The following ESR1 variants were observed in gnomAD, a reference collection of about 807,000 sequenced individuals.
ESR1 encodes estrogen receptor 1.
In ESR1, 12 loss-of-function variants were observed where a neutral mutation model predicts 52.7. The ratio of observed to expected loss-of-function variants is 0.23; its 90% CI spans 0.15 to 0.37. The LOEUF is 0.37. Ranked by LOEUF, ESR1 falls within the 10% of genes least tolerant of loss-of-function variation. The pLI is 1.00. For missense variants in ESR1, 584 were observed against 779.7 expected (o/e 0.75, Z 2.99); for synonymous variants, 305 against 316.8 (o/e 0.96, Z 0.39).
At position 151,723,549 on chromosome 6, in the gene ESR1, C is replaced by T. The variant is rs183605524; in HGVS notation, c.-71+21544C>T. 5.3e-4 allele frequency among the ~76,000 whole-genome samples: 80 copies of T among 152,220 alleles called. 1 individual carries two copies. Among genetic ancestry groups the T allele is most frequent in the Non-Finnish European group, 4.9e-4 (33 of 67,998 alleles). ...TCTATGGATCTGATTGCTCCTTCAC[C>T]ACTCTGCTATATATCCATGTAACAA... is the stretch of plus-strand genomic sequence containing the variant. On this transcript the variant is annotated intron_variant, in intron 2 of 2. Transcript: ENST00000404742.
At chr6:151,662,543 G>A (rs1170898550) in intron 1 of ESR1, among the ~76,000 whole-genome samples, 5 of 152,130 alleles carry the variant, frequency 3.3e-5, no homozygotes, top group East Asian at 1.9e-4. Context: ...TGTACTGCCC[G>A]GGACTCCTGC....
At chr6:152,083,726 T>G (rs1434240705) in intron 6 of ESR1, among the ~76,000 whole-genome samples, 1 of 152,092 alleles carries the variant, frequency 6.6e-6, no homozygotes, top group African/African-American at 2.4e-5. Flanking sequence ...GGCTAATATC[T>G]TTGTAGAATC....
intron 1 of ESR1, among the ~76,000 whole-genome samples, chr6:151,813,750 CTTCTT>C (rs1779194021): frequency 6.6e-6 from 1 of 152,044 alleles, no homozygotes; most frequent in African/African-American, 2.4e-5. Flanking sequence ...AGATAGTAGA[CTTCTT>C]TGTTTGGTAA....
intron 3 of ESR1, among the ~76,000 whole-genome samples, chr6:151,924,796 A>C (rs1287721222): frequency 6.6e-6 from 1 of 151,850 alleles, no homozygotes; most frequent in Non-Finnish European, 1.5e-5. Flanking sequence ...TTTTATTTTA[A>C]TGGCTGAATA....
At chr6:151,808,805 T>C (rs1343062239) in intron 1 of ESR1, among the ~76,000 whole-genome samples, 1 of 152,162 alleles carries the variant, frequency 6.6e-6, no homozygotes, top group African/African-American at 2.4e-5. Flanking sequence ...AGCAGAGTTT[T>C]ATTTATCCTT....
chr6:151,917,566 G>A (rs1302699168), intron 3 of ESR1, among the ~76,000 whole-genome samples: 2 of 152,190 alleles, frequency 1.3e-5, no homozygotes, highest in African/African-American at 4.8e-5. Context: ...GAGAACACAT[G>A]TGGATGCTAC....
intron 5 of ESR1, among the ~76,000 whole-genome samples, chr6:152,035,049 T>G (rs943269603): frequency 4.6e-5 from 7 of 152,218 alleles, no homozygotes; most frequent in Admixed American, 3.9e-4. Context: ...CCTGTGAGAT[T>G]ACATGCCCTT....
At chr6:151,737,730 G>A (rs1260075488) in intron 2 of ESR1, among the ~76,000 whole-genome samples, 1 of 152,040 alleles carries the variant, frequency 6.6e-6, no homozygotes. Context: ...GCAAAGAAGG[G>A]TATAAGGGTA....
intron 3 of ESR1, among the ~76,000 whole-genome samples, chr6:151,939,437 T>C (rs2034778002): frequency 1.3e-5 from 2 of 152,166 alleles, no homozygotes; most frequent in Non-Finnish European, 2.9e-5. Context: ...AGTTTTAAAT[T>C]TTCTCTTTGA....
In ESR1 at chr6:152,061,379, C is replaced by A. The variant is rs9341018; in HGVS notation, c.1369+255C>A. Among the ~76,000 whole-genome samples, 31 of 152,240 alleles carry A rather than the reference C, an allele frequency of 2.0e-4. No individual in the cohort carries two copies. The East Asian group carries it at 5.2e-3, about 26-fold the overall frequency. On this transcript the variant is annotated intron_variant, in intron 6 of 7. Transcript: ENST00000206249. The surrounding 1 kb of genome is among the most constrained non-coding windows in gnomAD (Gnocchi z 4.3). ...GAGCTAAAATTTTTGTATGCTTTCA[C>A]AGATAGGATGTTTTTATTCAAATGG... is the stretch of plus-strand genomic sequence containing the variant.
At chr6:151,868,076 C>T (rs1367393293) in intron 2 of ESR1, among the ~76,000 whole-genome samples, 3 of 45,772 alleles carry the variant, frequency 6.6e-5, no homozygotes, top group East Asian at 6.2e-4. Context: ...AGCATAGTAC[C>T]CAATGATAGT....
At chr6:151,945,187 T>C (rs2035559959) in intron 4 of ESR1, among the ~76,000 whole-genome samples, 2 of 152,102 alleles carry the variant, frequency 1.3e-5, no homozygotes, top group African/African-American at 2.4e-5. Context: ...GGAGTGCCAC[T>C]GCACTCCAGC....
At chr6:152,089,389 A>G (rs1409466146) in intron 6 of ESR1, among the ~76,000 whole-genome samples, 2 of 152,352 alleles carry the variant, frequency 1.3e-5, no homozygotes, top group East Asian at 3.9e-4. Context: ...TACCTGTTCA[A>G]CTGCACTGAA....
intron 3 of ESR1, 72 bp from the exon 4 acceptor site, chr6:151,944,101 T>C: frequency 1.5e-6 from 2 of 1,367,418 alleles, no homozygotes; most frequent in Non-Finnish European, 2.1e-6. Flanking sequence ...CTGGTTAGCT[T>C]TGAAAATTTT....
At chr6:151,783,513 T>G (rs534730797) in intron 2 of ESR1, among the ~76,000 whole-genome samples, 1 of 152,348 alleles carries the variant, frequency 6.6e-6, no homozygotes, top group African/African-American at 2.4e-5. Context: ...TCTCTGTATG[T>G]GCCTATTTAG....
intron 2 of ESR1, among the ~76,000 whole-genome samples, chr6:151,868,987 C>A (rs1230999050): frequency 6.6e-6 from 1 of 152,208 alleles, no homozygotes; most frequent in Middle Eastern, 3.4e-3. Context: ...CTTAGTGAAC[C>A]GTCTTTTCTA....
At chr6:151,661,173 T>C (rs1562315381) in intron 1 of ESR1, among the ~76,000 whole-genome samples, 8 of 152,264 alleles carry the variant, frequency 5.3e-5, no homozygotes. Context: ...TTTTGTATTT[T>C]GAAAGCACCA....
chr6:151,976,115 A>G (rs2039411372), intron 4 of ESR1, among the ~76,000 whole-genome samples: 1 of 152,140 alleles, frequency 6.6e-6, no homozygotes. Flanking sequence ...GACCTGTAAG[A>G]GGTTCTCATC....
intron 1 of ESR1, among the ~76,000 whole-genome samples, chr6:151,692,913 A>T (rs1779056658): frequency 6.6e-6 from 1 of 152,216 alleles, no homozygotes; most frequent in South Asian, 2.1e-4. Flanking sequence ...GAAAGCTGAT[A>T]CCTCTGCTCA....
Sources: gnomAD v4.1 joint callset for allele counts (sites outside exome capture counted in the v4.1 genomes callset) on GRCh38, gnomAD v4.1.1 for gene constraint, Gnocchi (gnomAD v3.1) non-coding constraint, MANE v1.5 for transcripts, NCBI Gene and HGNC (gene_info 2026-07-23, HGNC 2026-07-21) for gene names.